The following NDUFV3 variants were observed in gnomAD, a reference collection of about 807,000 sequenced individuals.
NDUFV3 encodes NADH:ubiquinone oxidoreductase subunit V3.
Under a neutral mutation model 37.5 loss-of-function variants are expected in NDUFV3, and 44 were observed. The ratio of observed to expected loss-of-function variants is 1.17; its 90% CI spans 0.92 to 1.51. NDUFV3 has a LOEUF of 1.51. NDUFV3 is among the 40% of genes most tolerant of loss of function. The pLI, the probability that NDUFV3 is intolerant of heterozygous loss-of-function variation, is 0.00. For missense variants in NDUFV3, 580 were observed against 580.4 expected, an observed-to-expected ratio of 1.00 and a Z score of 0.01; for synonymous variants, 235 against 239.3, an observed-to-expected ratio of 0.98 and a Z score of 0.17.
intron 3 of NDUFV3, among the ~76,000 whole-genome samples, chr21:42,906,352 C>A (rs1325617110): frequency 1.3e-5 from 2 of 152,234 alleles, no homozygotes; most frequent in South Asian, 4.1e-4. Context: ...TACCGCCGCC[C>A]CTTGCCTTAT....
chr21:42,903,869 A>G lies in NDUFV3; in HGVS notation c.857A>G (p.Glu286Gly), dbSNP rs946109157. ...GATAAAGAAAGCCAAAAGCCATTTG[A>G]AGTTAAAGGACCCTTACCTGTCCAC... ...EIDKESQKPF[E>G]VKGPLPVHTK... The change falls in exon 3 of 4, where the codon GAA becomes GGA. Residue 286 changes from glutamate (E) to glycine (G), a missense_variant. Transcript: ENST00000354250. 6 of 1,612,612 alleles carry G rather than the reference A, an allele frequency of 3.7e-6. No homozygotes were observed. In the African/African-American group the frequency reaches 8.0e-5, roughly 22 times the overall value.
rs2058759577 is a variant in NDUFV3, at chr21:42,909,474, A to G, written c.*453A>G. 8.2e-6 allele frequency: 2 copies of G among 243,390 alleles called. No homozygotes were observed. Among genetic ancestry groups the G allele is most frequent in the South Asian group, 5.2e-5 (1 of 19,284 alleles). 15.1% of individuals were successfully genotyped at this position (243,390 alleles called of 1,614,324 possible). On this transcript the variant is annotated 3_prime_UTR_variant, in exon 4 of 4. Coordinates refer to ENST00000354250, the MANE Select transcript of NDUFV3 (RefSeq NM_021075.4). ...CACTTTTTACAGTGAGTGGTGAATT[A>G]GCAACAGTAACACTGATTATCCAAC... is the stretch of plus-strand genomic sequence containing the variant.
chr21:42,908,033 A>AT (rs2058749578), intron 3 of NDUFV3, among the ~76,000 whole-genome samples: 1 of 151,130 alleles, frequency 6.6e-6, no homozygotes, highest in Non-Finnish European at 1.5e-5. Context: ...ATGGCCTGGC[A>AT]TGGTGGCTCA....
intron 2 of NDUFV3, 30 bp downstream of exon 2, chr21:42,897,077 A>G (rs1284535999): frequency 2.5e-6 from 4 of 1,612,130 alleles, no homozygotes; most frequent in Non-Finnish European, 3.4e-6. Context: ...CATAAGGGAA[A>G]GAGAATGCAA....
At chr21:42,897,101 T>C in intron 2 of NDUFV3, 54 bp downstream of exon 2, 2 of 1,599,568 alleles carry the variant, frequency 1.3e-6, no homozygotes, top group Non-Finnish European at 1.7e-6. Context: ...GAAAATAGAT[T>C]AGTCAGCCTT....
At chr21:42,906,831 G>C in intron 3 of NDUFV3, 1 of 518,086 alleles carries the variant, frequency 1.9e-6, no homozygotes. Flanking sequence ...AGTACGTTCT[G>C]CTTTGAAGGT....
At chr21:42,894,509 ATT>A (rs5844143) in intron 1 of NDUFV3, among the ~76,000 whole-genome samples, 1 of 88,178 alleles carries the variant, frequency 1.1e-5, no homozygotes, top group South Asian at 2.6e-4. Context: ...TATAATATAT[ATT>A]TATATATTAT....
chr21:42,894,497 TATATA>T (rs1568854341), intron 1 of NDUFV3, among the ~76,000 whole-genome samples: 4 of 82,890 alleles, frequency 4.8e-5, no homozygotes, highest in Non-Finnish European at 6.6e-5. Context: ...ATTTATATAA[TATATA>T]ATATATATTT....
chr21:42,898,382 AAG>A, intron 2 of NDUFV3, among the ~76,000 whole-genome samples: 2 of 152,144 alleles, frequency 1.3e-5, no homozygotes, highest in African/African-American at 4.8e-5. Context: ...TCCTGAGCTC[AAG>A]CAATCCTCCC....
chr21:42,894,415 A>ATAAT (rs1568854050), intron 1 of NDUFV3, among the ~76,000 whole-genome samples: 1 of 47,272 alleles, frequency 2.1e-5, no homozygotes, highest in South Asian at 4.3e-4. Flanking sequence ...TATAATATAT[A>ATAAT]ATATATTATA....
At chr21:42,901,331 A>C (rs1212771146) in intron 2 of NDUFV3, among the ~76,000 whole-genome samples, 1 of 151,982 alleles carries the variant, frequency 6.6e-6, no homozygotes, top group African/African-American at 2.4e-5. Context: ...AGTCCCAGCT[A>C]CTCGGGAGGC....
At chr21:42,906,345 C>T (rs1168079957) in intron 3 of NDUFV3, among the ~76,000 whole-genome samples, 4 of 152,228 alleles carry the variant, frequency 2.6e-5, no homozygotes, top group African/African-American at 7.2e-5. Flanking sequence ...TCCTCTGTAC[C>T]GCCGCCCCTT....
intron 3 of NDUFV3, among the ~76,000 whole-genome samples, chr21:42,906,538 T>C (rs2058742651): frequency 6.6e-6 from 1 of 152,130 alleles, no homozygotes. Flanking sequence ...TGCTCGAAAA[T>C]GGAGACGAAT....
chr21:42,895,984 CTT>C (rs534775972), intron 1 of NDUFV3, among the ~76,000 whole-genome samples: 2 of 130,360 alleles, frequency 1.5e-5, no homozygotes, highest in East Asian at 2.2e-4. Flanking sequence ...GGTTGTTTTT[CTT>C]TTTTTTTTTT....
intron 2 of NDUFV3, among the ~76,000 whole-genome samples, chr21:42,897,501 C>G (rs749959694): frequency 1.3e-5 from 2 of 152,144 alleles, no homozygotes; most frequent in African/African-American, 4.8e-5. Flanking sequence ...CAGTCCAGGA[C>G]TAGCTGGGAC....
At chr21:42,893,455 G>T in intron 1 of NDUFV3, 74 bp downstream of exon 1, 1 of 1,499,730 alleles carries the variant, frequency 6.7e-7, no homozygotes. Flanking sequence ...GGGGCGCGGT[G>T]CTGGTCAGGT....
At chr21:42,898,980 G>A (rs1440759883) in intron 2 of NDUFV3, among the ~76,000 whole-genome samples, 1 of 152,338 alleles carries the variant, frequency 6.6e-6, no homozygotes, top group Middle Eastern at 3.4e-3. Context: ...TGTGTGAGTG[G>A]AAACGGAGTG....
chr21:42,903,026 CAGTT>C (rs1479789128), intron 2 of NDUFV3, among the ~76,000 whole-genome samples, 152 bp from the exon 3 acceptor site: 1 of 152,192 alleles, frequency 6.6e-6, no homozygotes. Flanking sequence ...TTTCCATCCT[CAGTT>C]GGTTGCTTGG....
Position 42,909,130 on chromosome 21 carries a change from T to G in NDUFV3, c.*109T>G. ...GCCCGCTGTGCATAATCGGTTTCAC[T>G]TTTACCTTTTTTTTTTTTTTTTTTT... is the stretch of plus-strand genomic sequence containing the variant. On this transcript the variant is annotated 3_prime_UTR_variant, in exon 4 of 4. Coordinates refer to ENST00000354250, the MANE Select transcript of NDUFV3 (RefSeq NM_021075.4). 1 of 970,914 alleles carries G rather than the reference T, an allele frequency of 1.0e-6. No individual in the cohort carries two copies. The highest frequency in any genetic ancestry group is 1.5e-6 in the Non-Finnish European group (1 of 665,924). The allele number at this position is 970,914 out of a possible 1,614,324, so 60.1% of individuals were successfully genotyped here. A position where few individuals can be genotyped will look rare whatever the true frequency, so the allele number is the denominator to read the frequency against.
Sources: allele counts gnomAD v4.1 joint callset (sites outside exome capture counted in the v4.1 genomes callset), GRCh38; gene constraint gnomAD v4.1.1; transcripts MANE v1.5; gene names NCBI Gene and HGNC (gene_info 2026-07-23, HGNC 2026-07-21).